Variants in SH3RF2 observed in about 807,000 individuals in gnomAD.
SH3RF2 encodes the protein E3 ubiquitin-protein ligase SH3RF2.
A neutral mutation model predicts 59.0 loss-of-function variants in SH3RF2; 43 were observed. The ratio of observed to expected loss-of-function variants is 0.73; its 90% CI spans 0.57 to 0.94. The LOEUF (loss-of-function observed/expected upper bound fraction) is 0.94. SH3RF2 is among the 40% of genes least tolerant of loss of function. The probability of loss-of-function intolerance (pLI) is 0.00; values close to 1 mark genes in which losing one functional copy is unlikely to be tolerated. For synonymous variants in SH3RF2, 391 were observed against 391.5 expected (o/e 1.00, Z 0.01); for missense variants, 930 against 940.1 (o/e 0.99, Z 0.14).
chr5:145,958,177 A>G (rs1431242561), intron 2 of SH3RF2, among the ~76,000 whole-genome samples: 1 of 152,142 alleles, frequency 6.6e-6, no homozygotes, highest in Non-Finnish European at 1.5e-5. Context: ...GGTCTGTCAC[A>G]TGCTCGATGT....
chr5:145,965,253 A>G (rs1409848154), intron 2 of SH3RF2, among the ~76,000 whole-genome samples: 1 of 152,016 alleles, frequency 6.6e-6, no homozygotes, highest in African/African-American at 2.4e-5. Context: ...ACCCACTGCA[A>G]TTTTTTGTTT....
In SH3RF2 at chr5:146,062,516, G is replaced by GCCAC. The variant is rs756344394; in HGVS notation, c.2008_2011dup (p.Leu671HisfsTer8). The GCCAC allele has an allele frequency of 1.2e-6, 2 of 1,614,150 alleles. No homozygotes were observed. The highest frequency in any genetic ancestry group is 2.2e-5 in the South Asian group (2 of 91,074). On this transcript the variant is annotated frameshift_variant, in exon 10 of 10. Transcript: ENST00000359120. LOFTEE classifies it high-confidence loss of function. ...CACCTCCGGAAAGCCTGAACAGCCA[G>GCCAC]CCACCCTCAAGGCGTCCCAGCCTGA...
intron 4 of SH3RF2, among the ~76,000 whole-genome samples, chr5:146,007,607 G>C (rs1194892308): frequency 6.6e-6 from 1 of 152,120 alleles, no homozygotes; most frequent in East Asian, 1.9e-4. Flanking sequence ...TGGGCTGGGG[G>C]GGAAGGCACC....
chr5:145,959,987 G>A (rs371327429), intron 2 of SH3RF2, among the ~76,000 whole-genome samples: 10 of 152,162 alleles, frequency 6.6e-5, no homozygotes, highest in East Asian at 5.8e-4. Flanking sequence ...TGAAAGCAAC[G>A]CTATTAAAGC....
intron 2 of SH3RF2, among the ~76,000 whole-genome samples, chr5:145,998,499 G>A (rs1271173664): frequency 6.6e-6 from 1 of 151,802 alleles, no homozygotes; most frequent in Non-Finnish European, 1.5e-5. Context: ...TGTTTTATGG[G>A]AAAAAAAAGT....
At chr5:146,048,678 C>G (rs1007408281) in intron 6 of SH3RF2, among the ~76,000 whole-genome samples, 2 of 152,182 alleles carry the variant, frequency 1.3e-5, no homozygotes, top group African/African-American at 4.8e-5. Flanking sequence ...CTGAATCTGG[C>G]AAACCAATGG....
At chr5:145,976,272 G>A (rs78349856) in intron 2 of SH3RF2, among the ~76,000 whole-genome samples, 1 of 152,110 alleles carries the variant, frequency 6.6e-6, no homozygotes, top group Non-Finnish European at 1.5e-5. Flanking sequence ...ACCTCCCTGA[G>A]CTTCCAGTTC....
At chr5:145,968,099 C>A (rs899456787) in intron 2 of SH3RF2, among the ~76,000 whole-genome samples, 2 of 152,140 alleles carry the variant, frequency 1.3e-5, no homozygotes, top group African/African-American at 4.8e-5. Context: ...GAAGCTGTAG[C>A]CTTCATCAGA....
At chr5:146,008,507 A>G (rs1013977702) in intron 4 of SH3RF2, among the ~76,000 whole-genome samples, 1 of 152,160 alleles carries the variant, frequency 6.6e-6, no homozygotes, top group Non-Finnish European at 1.5e-5. Context: ...TGGGGCCTCT[A>G]AGTCATTGTT....
chr5:145,952,665 C>T (rs1483599102), intron 2 of SH3RF2, among the ~76,000 whole-genome samples: 1 of 152,070 alleles, frequency 6.6e-6, no homozygotes, highest in Non-Finnish European at 1.5e-5. Context: ...ATAAAAGGAA[C>T]AAAAATGTTT....
At chr5:145,946,891 C>T (rs953104845) in intron 2 of SH3RF2, among the ~76,000 whole-genome samples, 9 of 152,138 alleles carry the variant, frequency 5.9e-5, no homozygotes, top group African/African-American at 1.9e-4. Flanking sequence ...GACAGTGTTT[C>T]CAGTAGAAAC....
chr5:146,060,355 C>T, intron 9 of SH3RF2, 131 bp downstream of exon 9: 1 of 783,278 alleles, frequency 1.3e-6, no homozygotes, highest in East Asian at 2.8e-5. Flanking sequence ...TCACACATAA[C>T]ACTCCTCCTC....
chr5:146,019,014 C>T (rs1460503171), intron 5 of SH3RF2, among the ~76,000 whole-genome samples: 1 of 151,958 alleles, frequency 6.6e-6, no homozygotes, highest in East Asian at 1.9e-4. Context: ...GGATATTAGT[C>T]CTTTGTCAAA....
chr5:145,952,573 C>T (rs1027784957), intron 2 of SH3RF2, among the ~76,000 whole-genome samples: 32 of 152,178 alleles, frequency 2.1e-4, no homozygotes, highest in African/African-American at 7.0e-4. Flanking sequence ...ATTGAGTGCT[C>T]ACTATGTGTC....
chr5:145,972,828 G>T (rs1416321797), intron 2 of SH3RF2, among the ~76,000 whole-genome samples: 2 of 152,192 alleles, frequency 1.3e-5, no homozygotes, highest in Non-Finnish European at 2.9e-5. Context: ...GTAGAGCTGG[G>T]CTGGCAGCGT....
At chr5:146,011,882 T>A (rs1324520922) in intron 4 of SH3RF2, among the ~76,000 whole-genome samples, 2 of 152,218 alleles carry the variant, frequency 1.3e-5, no homozygotes, top group Non-Finnish European at 2.9e-5. Flanking sequence ...TTCTTTCTCC[T>A]GCCTGATTGC....
chr5:146,010,493 C>T (rs1449687215), intron 4 of SH3RF2, among the ~76,000 whole-genome samples: 2 of 152,240 alleles, frequency 1.3e-5, no homozygotes, highest in Non-Finnish European at 2.9e-5. Flanking sequence ...ACAGTCCCAA[C>T]AACAGTGTAA....
chr5:145,938,342 A>T, intron 2 of SH3RF2, 36 bp downstream of exon 2: 1 of 1,501,950 alleles, frequency 6.7e-7, no homozygotes, highest in Non-Finnish European at 8.8e-7. Flanking sequence ...TCATGTCCAC[A>T]TAGAGGTTGG....
intron 5 of SH3RF2, among the ~76,000 whole-genome samples, chr5:146,014,783 A>G (rs1761042256): frequency 6.6e-6 from 1 of 152,232 alleles, no homozygotes; most frequent in African/African-American, 2.4e-5. Context: ...TAAGCATCCA[A>G]TAAGTGTTGC....
Sources: allele counts gnomAD v4.1 joint callset (sites outside exome capture counted in the v4.1 genomes callset), GRCh38; gene constraint gnomAD v4.1.1; transcripts MANE v1.5; gene names NCBI Gene and HGNC (gene_info 2026-07-23, HGNC 2026-07-21).